Variants in CUX1 observed in about 807,000 individuals in gnomAD.
CUX1 encodes the protein cut like homeobox 1, also known as protein CASP.
In CUX1, 31 loss-of-function variants were observed where a neutral mutation model predicts 158.8. The ratio of observed to expected loss-of-function variants is 0.20; its 90% CI spans 0.15 to 0.26. The LOEUF (loss-of-function observed/expected upper bound fraction) is 0.26, where lower values mean the gene tolerates loss of function less well. CUX1 is among the 10% of genes least tolerant of loss of function. The pLI is 1.00. For synonymous variants in CUX1, 879 were observed against 862.1 expected (o/e 1.02, Z -0.34); for missense variants, 1,589 against 2,014.6 (o/e 0.79, Z 4.04).
At chr7:101,850,714 C>G (rs1796189745) in intron 1 of CUX1, among the ~76,000 whole-genome samples, 1 of 152,120 alleles carries the variant, frequency 6.6e-6, no homozygotes, top group Non-Finnish European at 1.5e-5. Flanking sequence ...GCTTATACCA[C>G]TTGTCTTTGA....
At chr7:101,836,706 A>AAG (rs1794674533) in intron 1 of CUX1, among the ~76,000 whole-genome samples, 1 of 150,598 alleles carries the variant, frequency 6.6e-6, no homozygotes, top group Non-Finnish European at 1.5e-5. Context: ...AAAAAAAAAA[A>AAG]GAATCCTGGC....
intron 2 of CUX1, among the ~76,000 whole-genome samples, chr7:101,994,588 G>A (rs1046813615): frequency 6.6e-6 from 1 of 152,164 alleles, no homozygotes; most frequent in Non-Finnish European, 1.5e-5. Flanking sequence ...GTGACAGAGC[G>A]AGACTCCGTC....
At chr7:101,891,614 C>T (rs1356447274) in intron 1 of CUX1, among the ~76,000 whole-genome samples, 1 of 152,172 alleles carries the variant, frequency 6.6e-6, no homozygotes, top group Non-Finnish European at 1.5e-5. Context: ...AATAAGACAG[C>T]CCGTACCTTC....
chr7:102,077,000 C>T (rs1015735983), intron 4 of CUX1, among the ~76,000 whole-genome samples: 2 of 149,492 alleles, frequency 1.3e-5, no homozygotes, highest in African/African-American at 2.5e-5. Context: ...CGCCACTGCA[C>T]TTCAGCCTGG....
Position 102,167,988 on chromosome 7 carries a change from G to T in CUX1, c.724-2458G>T, listed in dbSNP as rs545382851. Among the ~76,000 whole-genome samples, 36 of 151,794 alleles carry T rather than the reference G, an allele frequency of 2.4e-4. No homozygotes were observed. The East Asian group carries it at 6.4e-3, about 27-fold the overall frequency. ...AGCTACTCGGGAGGCTGAGGCAGGAGAATCGCTTGAACCCGGGAGGCGGAG... is the reference window on the plus strand; with the variant it reads ...AGCTACTCGGGAGGCTGAGGCAGGATAATCGCTTGAACCCGGGAGGCGGAG... On this transcript the variant is annotated intron_variant, in intron 9 of 23. Coordinates refer to ENST00000292535, the MANE Select transcript of CUX1 (RefSeq NM_181552.4).
intron 8 of CUX1, among the ~76,000 whole-genome samples, chr7:102,122,124 T>G (rs1225744412): frequency 6.6e-6 from 1 of 152,180 alleles, no homozygotes; most frequent in Non-Finnish European, 1.5e-5. Flanking sequence ...CCTGATTGAA[T>G]TTGAAAGGGA....
In CUX1 at chr7:101,831,734, T is replaced by TTTATTATTATTATTA. The variant is rs10654094; in HGVS notation, c.30+14074_30+14088dup. On this transcript the variant is annotated intron_variant, in intron 1 of 23. Coordinates refer to ENST00000292535, the MANE Select transcript of CUX1 (RefSeq NM_181552.4). The stretch of plus-strand genomic sequence containing the variant: ...TCTTCTGAAGGCCCTGAGAAATAAC[T>TTTATTATTATTATTA]TTATTATTATTATTATTATTATTTA... Among the ~76,000 whole-genome samples, 720 of 147,398 alleles carry TTTATTATTATTATTA rather than the reference T, an allele frequency of 4.9e-3. 7 individuals are homozygous for TTTATTATTATTATTA. The highest frequency in any genetic ancestry group is 0.012 in the African/African-American group (471 of 39,818).
intron 7 of CUX1, among the ~76,000 whole-genome samples, chr7:102,113,321 CTCTGCTCCCCGGGTTCAAGTGAT>C (rs769923131): frequency 2.4e-4 from 36 of 152,168 alleles, no homozygotes; most frequent in Non-Finnish European, 3.8e-4. Flanking sequence ...TCACTGCAAC[CTCTGCTCCCCGGGTTCAAGTGAT>C]TCTTCTGCCC....
At position 102,180,550 on chromosome 7, in the gene CUX1, G is replaced by A. The variant is rs188599171; in HGVS notation, c.1017+1893G>A. ...TGTGTTCCCCAGGCTGGTCTGGGAC[G>A]CCTGGGCTCAAGCAATTCTCCCACC... On this transcript the variant is annotated intron_variant, in intron 11 of 23. Coordinates refer to ENST00000292535, the MANE Select transcript of CUX1 (RefSeq NM_181552.4). Among the ~76,000 whole-genome samples, 503 of 151,446 alleles carry A rather than the reference G, an allele frequency of 3.3e-3. 2 individuals are homozygous for A. Among genetic ancestry groups the A allele is most frequent in the African/African-American group, 0.011 (466 of 41,302 alleles).
intron 14 of CUX1, among the ~76,000 whole-genome samples, chr7:102,270,678 C>T (rs1433482124): frequency 1.3e-5 from 2 of 152,240 alleles, no homozygotes; most frequent in Non-Finnish European, 1.5e-5. Flanking sequence ...CAGCCCTGCA[C>T]CCTCAGATCC....
intron 3 of CUX1, among the ~76,000 whole-genome samples, chr7:102,050,498 C>G (rs1054772413): frequency 1.3e-5 from 2 of 152,066 alleles, no homozygotes; most frequent in South Asian, 4.2e-4. Flanking sequence ...TGGCCTGGGC[C>G]CGTCATCCAA....
intron 5 of CUX1, among the ~76,000 whole-genome samples, chr7:102,102,096 T>G (rs1829840275): frequency 6.6e-6 from 1 of 152,056 alleles, no homozygotes. Flanking sequence ...CCAACCACTG[T>G]GTGCACAGAG....
intron 1 of CUX1, among the ~76,000 whole-genome samples, chr7:101,831,719 G>A (rs958836871): frequency 8.2e-6 from 1 of 122,222 alleles, no homozygotes; most frequent in Admixed American, 8.7e-5. Flanking sequence ...TCTTCTGAAG[G>A]CCCTGAGAAA....
intron 6 of CUX1, among the ~76,000 whole-genome samples, chr7:102,105,599 G>A (rs1160461823): frequency 7.5e-6 from 1 of 133,356 alleles, no homozygotes; most frequent in Non-Finnish European, 1.5e-5. Context: ...TGCAACCTCC[G>A]CCTCCTGGGT....
At chr7:101,888,596 A>G (rs1800513037) in intron 1 of CUX1, among the ~76,000 whole-genome samples, 1 of 151,820 alleles carries the variant, frequency 6.6e-6, no homozygotes. Flanking sequence ...AGAGATGGTT[A>G]TTTTTTAATT....
intron 4 of CUX1, among the ~76,000 whole-genome samples, chr7:102,087,319 A>G (rs188287025): frequency 3.7e-4 from 56 of 152,268 alleles, no homozygotes; most frequent in African/African-American, 1.3e-3. Flanking sequence ...GATGGCTCAC[A>G]CCTGTAATCC....
At chr7:102,223,521 A>G (rs1798042541) in intron 20 of CUX1, among the ~76,000 whole-genome samples, 1 of 152,150 alleles carries the variant, frequency 6.6e-6, no homozygotes, top group Admixed American at 6.6e-5. Context: ...TGTAGGATTC[A>G]CTGTCTGTCC....
At chr7:101,911,202 C>T (rs529688598) in intron 1 of CUX1, among the ~76,000 whole-genome samples, 147 of 152,368 alleles carry the variant, frequency 9.6e-4, no homozygotes, top group African/African-American at 3.3e-3. Context: ...TTGGTCTCAG[C>T]CCTGTGGTGG....
rs563390325 is a variant in CUX1 at position 101,867,547 on chromosome 7, G to T, written c.31-48568G>T. 1.4e-4 allele frequency among the ~76,000 whole-genome samples: 22 copies of T among 152,304 alleles called. No homozygotes were observed. In the South Asian group the frequency reaches 4.6e-3, roughly 32 times the overall value. Reference sequence around the variant, plus strand: ...ACCGTGGGCACACTGGGAGGGGAGGGCTTCTGTGCGGCCACGCTTAATAAA... The same window carrying T: ...ACCGTGGGCACACTGGGAGGGGAGGTCTTCTGTGCGGCCACGCTTAATAAA... On this transcript the variant is annotated intron_variant, in intron 1 of 23. Transcript: ENST00000292535.
Sources: allele counts gnomAD v4.1 joint callset (sites outside exome capture counted in the v4.1 genomes callset), GRCh38; gene constraint gnomAD v4.1.1; transcripts MANE v1.5; gene names NCBI Gene and HGNC (gene_info 2026-07-23, HGNC 2026-07-21).